Variants in SKAP2 observed in about 807,000 individuals in gnomAD.
SKAP2 encodes the protein src kinase associated phosphoprotein 2.
A neutral mutation model predicts 54.9 loss-of-function variants in SKAP2; 28 were observed. The ratio of observed to expected loss-of-function variants is 0.51; its 90% confidence interval spans 0.38 to 0.70. The LOEUF (loss-of-function observed/expected upper bound fraction) is 0.70. SKAP2 is among the 30% of genes least tolerant of loss of function. The pLI, the probability that SKAP2 is intolerant of heterozygous loss-of-function variation, is 0.00. For synonymous variants in SKAP2, 137 were observed against 134.3 expected (o/e 1.02, Z -0.14); for missense variants, 356 against 424.1 (o/e 0.84, Z 1.41).
downstream of SKAP2, among the ~76,000 whole-genome samples, chr7:26,664,696 G>A (rs557019387): frequency 4.2e-5 from 6 of 141,578 alleles, no homozygotes; most frequent in South Asian, 8.8e-4. Context: ...TTGCCTCTCC[G>A]AGTAATGGAT....
At chr7:26,837,284 T>C (rs754480082) in intron 4 of SKAP2, among the ~76,000 whole-genome samples, 1 of 152,070 alleles carries the variant, frequency 6.6e-6, no homozygotes, top group Non-Finnish European at 1.5e-5. Context: ...TGTATACCTA[T>C]GTAACAAACC....
At chr7:26,839,425 A>C (rs1185397269) in intron 4 of SKAP2, among the ~76,000 whole-genome samples, 4 of 152,160 alleles carry the variant, frequency 2.6e-5, no homozygotes, top group Non-Finnish European at 5.9e-5. Flanking sequence ...GCATATTAAG[A>C]CAACCCAAAA....
At chr7:26,666,631 GA>G (rs1273586338), downstream of SKAP2, among the ~76,000 whole-genome samples, 1 of 152,128 alleles carries the variant, frequency 6.6e-6, no homozygotes, top group African/African-American at 2.4e-5. Context: ...ACACATGGTT[GA>G]AAAGTGATTT....
chr7:26,746,136 C>T (rs1782556314), intron 4 of SKAP2, among the ~76,000 whole-genome samples: 1 of 152,140 alleles, frequency 6.6e-6, no homozygotes, highest in South Asian at 2.1e-4. Context: ...CAGTTGAGGT[C>T]CACTATCTTA....
chr7:26,690,465 A>T, intron 9 of SKAP2, 103 bp from the exon 10 acceptor site: 1 of 682,498 alleles, frequency 1.5e-6, no homozygotes, highest in Non-Finnish European at 2.6e-6. Flanking sequence ...TATAACACAT[A>T]AACATTATTT....
At chr7:26,760,327 G>A (rs1030187701) in intron 4 of SKAP2, among the ~76,000 whole-genome samples, 1 of 152,166 alleles carries the variant, frequency 6.6e-6, no homozygotes. Flanking sequence ...GAGAGTAAAT[G>A]AAATCTTTTT....
intron 4 of SKAP2, among the ~76,000 whole-genome samples, chr7:26,828,561 C>T (rs1784540209): frequency 6.6e-6 from 1 of 151,152 alleles, no homozygotes; most frequent in South Asian, 2.1e-4. Flanking sequence ...CCTGTAGTCC[C>T]AGCTACTCGG....
At chr7:26,718,863 G>A (rs1181486841) in intron 9 of SKAP2, among the ~76,000 whole-genome samples, 1 of 151,048 alleles carries the variant, frequency 6.6e-6, no homozygotes, top group South Asian at 2.2e-4. Context: ...AGCATGTATT[G>A]TTTGTAAATA....
intron 4 of SKAP2, among the ~76,000 whole-genome samples, chr7:26,810,420 T>C (rs567285756): frequency 6.6e-6 from 1 of 151,902 alleles, no homozygotes; most frequent in East Asian, 1.9e-4. Context: ...CACTGAGGAA[T>C]AGGAGGAATG....
chr7:26,858,692 C>A (rs1785223416), intron 1 of SKAP2, among the ~76,000 whole-genome samples: 1 of 152,066 alleles, frequency 6.6e-6, no homozygotes. Context: ...GTATCTAACA[C>A]ACACACACTA....
intron 6 of SKAP2, among the ~76,000 whole-genome samples, chr7:26,729,389 T>A (rs113293396): frequency 6.6e-5 from 10 of 152,008 alleles, no homozygotes; most frequent in African/African-American, 2.4e-4. Flanking sequence ...ACTTGAGAAG[T>A]AGAAAGCACA....
chr7:26,654,785 A>G, the SKAP2 span, among the ~76,000 whole-genome samples: 30 of 152,256 alleles, frequency 2.0e-4, no homozygotes, highest in African/African-American at 6.3e-4. Flanking sequence ...CACAAGCAAT[A>G]GTTTTTAATT....
chr7:26,746,006 TA>T (rs1164204216), intron 4 of SKAP2, among the ~76,000 whole-genome samples: 1 of 152,206 alleles, frequency 6.6e-6, no homozygotes, highest in East Asian at 1.9e-4. Context: ...TAAGAAGTGA[TA>T]AACAGAATGA....
chr7:26,704,686 G>GTA, intron 9 of SKAP2, among the ~76,000 whole-genome samples: 1 of 152,164 alleles, frequency 6.6e-6, no homozygotes, highest in South Asian at 2.1e-4. Context: ...TCTGTAGAAA[G>GTA]GGGCTGCCAA....
Position 26,851,719 on chromosome 7 carries a change from T to TA in SKAP2, c.199+2417dup, listed in dbSNP as rs5883051. 2.0e-3 allele frequency among the ~76,000 whole-genome samples: 262 copies of TA among 132,756 alleles called. 1 individual carries two copies. Among genetic ancestry groups the TA allele is most frequent in the Middle Eastern group, 0.015 (4 of 260 alleles). 87.1% of individuals were successfully genotyped at this position (132,756 alleles called of 152,430 possible). On this transcript the variant is annotated intron_variant, in intron 3 of 12. Coordinates refer to ENST00000345317, the MANE Select transcript of SKAP2 (RefSeq NM_003930.5). ...ACCCTAGAACTTAAAGTATAATAAT[T>TA]AAAAAAAAAAAAAAAAGAAATACCT...
chr7:26,696,923 C>CA (rs1786906614), intron 9 of SKAP2, among the ~76,000 whole-genome samples: 2 of 151,890 alleles, frequency 1.3e-5, no homozygotes, highest in South Asian at 2.1e-4. Context: ...AAAACAAAAA[C>CA]AAAAAAATAC....
chr7:26,689,981 C>T (rs1341121315), intron 10 of SKAP2, among the ~76,000 whole-genome samples: 1 of 152,172 alleles, frequency 6.6e-6, no homozygotes, highest in Non-Finnish European at 1.5e-5. Context: ...GACACTTCCT[C>T]AATGATGATA....
At chr7:26,827,482 T>C (rs1400507254) in intron 4 of SKAP2, among the ~76,000 whole-genome samples, 1 of 152,152 alleles carries the variant, frequency 6.6e-6, no homozygotes, top group African/African-American at 2.4e-5. Context: ...CTAAAGTTTC[T>C]CCATAGTGAA....
chr7:26,698,029 G>T (rs778683501), intron 9 of SKAP2, among the ~76,000 whole-genome samples: 3 of 152,052 alleles, frequency 2.0e-5, no homozygotes, highest in Admixed American at 6.6e-5. Context: ...GTGACAAATA[G>T]GCTGATGTTA....
Sources: gnomAD v4.1 joint callset for allele counts (sites outside exome capture counted in the v4.1 genomes callset) on GRCh38, gnomAD v4.1.1 for gene constraint, MANE v1.5 for transcripts, NCBI Gene and HGNC (gene_info 2026-07-23, HGNC 2026-07-21) for gene names.